Variants in DISP3 observed in about 807,000 individuals in gnomAD.
DISP3 encodes dispatched RND transporter family member 3.
In DISP3, 101 loss-of-function variants were observed where a neutral mutation model predicts 135.3. That is an observed-to-expected ratio of 0.75 (90% CI 0.64 to 0.88). The LOEUF is 0.88. Among genes scored for constraint, DISP3 ranks in the 40% least tolerant of loss-of-function variants. The pLI is 0.00. For synonymous variants in DISP3, 856 were observed against 817.0 expected (o/e 1.05, Z -0.81); for missense variants, 1,713 against 1,878.6 (o/e 0.91, Z 1.63).
chr1:11,529,915 G>A lies in DISP3; in HGVS notation c.3058G>A (p.Val1020Ile), dbSNP rs770679216. 21 of 1,613,788 alleles carry A rather than the reference G, an allele frequency of 1.3e-5. No individual in the cohort carries two copies. Among genetic ancestry groups the A allele is most frequent in the South Asian group, 7.7e-5 (7 of 91,092 alleles). ...CTTTGTGGTCTTCGGCATTATTGGC[G>A]TCAACCGCACTCGGCAGGTGGACAA... ...MVFVVFGIIG[V>I]NRTRQVDNHV... Residue 1020 changes from valine (V) to isoleucine (I), a missense_variant, in exon 15 of 21, where the codon GTC (valine) becomes ATC (isoleucine). Transcript: ENST00000294484. This position sits in a 1 kb window ranked among gnomAD's most constrained non-coding sequence, Gnocchi z 4.7.
chr1:11,501,497 T>G lies in DISP3; in HGVS notation c.505T>G (p.Ser169Ala). 1 of 1,606,498 alleles carries G rather than the reference T, an allele frequency of 6.2e-7. No homozygotes were observed. The highest frequency in any genetic ancestry group is 1.1e-5 in the South Asian group (1 of 90,406). Reference protein sequence around the residue: ...LHLGNRSRQASRAPRVIPAAS... With the variant: ...LHLGNRSRQAARAPRVIPAAS... ...TCTCGGCAACCGCTCGCGGCAAGCC[T>G]CCCGAGCCCCCCGCGTCATCCCCGC... Residue 169 changes from serine to alanine, a missense_variant, in exon 2 of 21, where the codon TCC becomes GCC. By Grantham distance (99) the Ser-to-Ala change is moderately conservative. Coordinates refer to ENST00000294484, the MANE Select transcript of DISP3 (RefSeq NM_020780.2). The surrounding 1 kb of genome is among the most constrained non-coding windows in gnomAD (Gnocchi z 4.9).
chr1:11,489,202 C>T (rs1641117024), intron 1 of DISP3, among the ~76,000 whole-genome samples: 1 of 152,234 alleles, frequency 6.6e-6, no homozygotes, highest in Non-Finnish European at 1.5e-5. Context: ...AGAGCTCCAT[C>T]CCGAGTGCCT....
At chr1:11,481,424 C>G (rs1482018967) in intron 1 of DISP3, 1 of 152,236 alleles carries the variant, frequency 6.6e-6, no homozygotes, top group Non-Finnish European at 1.5e-5. Flanking sequence ...TGGAACCCCC[C>G]TCGAGATCTG....
chr1:11,515,337 C>T, intron 4 of DISP3, 32 bp from the exon 5 acceptor site: 1 of 1,613,524 alleles, frequency 6.2e-7, no homozygotes, highest in African/African-American at 1.3e-5. Flanking sequence ...AGGGTCCCCC[C>T]ACCGTCTCCC....
intron 15 of DISP3, 151 bp downstream of exon 15, chr1:11,530,110 TG>T: frequency 1.8e-6 from 2 of 1,089,800 alleles, no homozygotes; most frequent in East Asian, 5.2e-5. Flanking sequence ...TATGGGCCCC[TG>T]GGGGTCCGGT....
intron 13 of DISP3, 24 bp downstream of exon 13, chr1:11,526,859 C>A: frequency 6.3e-7 from 1 of 1,587,286 alleles, no homozygotes; most frequent in Non-Finnish European, 8.6e-7. Flanking sequence ...GCAGACAAGC[C>A]GGTGCCCATC....
intron 18 of DISP3, chr1:11,534,745 T>C: frequency 1.3e-6 from 1 of 798,592 alleles, no homozygotes; most frequent in Non-Finnish European, 2.0e-6. Context: ...TTCTCTGATC[T>C]GGACTTTGGC....
At position 11,502,778 on chromosome 1, in the gene DISP3, C is replaced by A. The variant is rs1641586689; in HGVS notation, c.1197C>A (p.Ile399=). 4 of 1,614,098 alleles carry A rather than the reference C, an allele frequency of 2.5e-6. No homozygotes were observed. In the East Asian group the frequency reaches 6.7e-5, roughly 27 times the overall value. Reference sequence around the variant, plus strand: ...AGAGCTCCCTCCTGCGCAGTGAGATCCTGTTTGGAGCACCCCTGCCCAACT... The same window carrying A: ...AGAGCTCCCTCCTGCGCAGTGAGATACTGTTTGGAGCACCCCTGCCCAACT... The part of the protein sequence containing the change: ...NLKSSLLRSE[I]LFGAPLPNYY... Residue 399 remains isoleucine, a synonymous_variant, in exon 3 of 21, where the codon ATC becomes ATA. Transcript: ENST00000294484.
chr1:11,522,651 G>GCCAGGA (rs1642248805), intron 10 of DISP3, among the ~76,000 whole-genome samples: 1 of 23,590 alleles, frequency 4.2e-5, no homozygotes, highest in Non-Finnish European at 9.1e-5. Flanking sequence ...CCCAGCCAGG[G>GCCAGGA]CCCAGCCAGA....
At position 11,527,291 on chromosome 1, in the gene DISP3, G is replaced by A. The variant is rs566841991; in HGVS notation, c.2798+456G>A. Among the ~76,000 whole-genome samples the A allele has an allele frequency of 5.9e-5, 9 of 152,190 alleles. No homozygotes were observed. The South Asian group carries it at 1.9e-3, about 32-fold the overall frequency. On this transcript the variant is annotated intron_variant, in intron 13 of 20. Transcript: ENST00000294484. ...CTGCTGGCCAGGTGCGGTGGCTCAT[G>A]CCTGTAATCCCACCTCGGGAGGCCG... is the stretch of plus-strand genomic sequence containing the variant.
intron 10 of DISP3, among the ~76,000 whole-genome samples, chr1:11,522,338 C>T (rs992986851): frequency 2.6e-5 from 4 of 152,110 alleles, no homozygotes; most frequent in African/African-American, 4.8e-5. Flanking sequence ...CAGCCAAATG[C>T]GTGATAATCC....
intron 2 of DISP3, 51 bp from the exon 3 acceptor site, chr1:11,502,627 G>A: frequency 6.9e-7 from 1 of 1,447,590 alleles, no homozygotes; most frequent in Non-Finnish European, 9.6e-7. Flanking sequence ...AGGGAGGGTT[G>A]GTGGGAGCTG....
rs370806355 is a variant in DISP3 at position 11,535,461 on chromosome 1, CT to C, written c.3650-16del. The stretch of plus-strand genomic sequence containing the variant: ...GGGCGGGGGATCCGAGCTGCCCCCC[CT>C]GCTGTCTCCTTGCAGGCATCGTGTG... On this transcript the variant is annotated splice_polypyrimidine_tract_variant and intron_variant, in intron 19 of 20. Transcript: ENST00000294484. The C allele has an allele frequency of 6.8e-5, 108 of 1,594,054 alleles. No homozygotes were observed. Among genetic ancestry groups the C allele is most frequent in the African/African-American group, 5.7e-4 (43 of 74,794 alleles).
In DISP3 at chr1:11,522,706, ACCCAGCCAGGGCCCAGCCAGGG is replaced by A. The variant is rs1557615287; in HGVS notation, c.2363-1214_2363-1193del. ...AGAGCCCAGCCAGGGCCCAGCCAGGACCCAGCCAGGGCCCAGCCAGGGCCCAGCCAGGGCCCAGCCAGGACCC... is the reference window on the plus strand; with the variant it reads ...AGAGCCCAGCCAGGGCCCAGCCAGGACCCAGCCAGGGCCCAGCCAGGACCC... On this transcript the variant is annotated intron_variant, in intron 10 of 20. Transcript: ENST00000294484. Among the ~76,000 whole-genome samples, 8 of 24,256 alleles carry A rather than the reference ACCCAGCCAGGGCCCAGCCAGGG, an allele frequency of 3.3e-4. No homozygotes were observed. The East Asian group carries it at 3.6e-3, about 11-fold the overall frequency. The allele number at this position is 24,256 out of a possible 152,430, so 15.9% of individuals were successfully genotyped here.
intron 3 of DISP3, among the ~76,000 whole-genome samples, chr1:11,509,294 G>A (rs1443118472): frequency 6.6e-6 from 1 of 151,590 alleles, no homozygotes; most frequent in Non-Finnish European, 1.5e-5. Context: ...TAAATTTATT[G>A]AGTCTTGTTT....
intron 10 of DISP3, among the ~76,000 whole-genome samples, chr1:11,521,436 G>T (rs1273494002): frequency 7.9e-6 from 1 of 125,942 alleles, no homozygotes; most frequent in African/African-American, 3.1e-5. Flanking sequence ...TAGCCAGGCT[G>T]GGAGGGGAGA....
chr1:11,514,108 G>A (rs1283898012), intron 3 of DISP3, among the ~76,000 whole-genome samples: 1 of 152,208 alleles, frequency 6.6e-6, no homozygotes, highest in Non-Finnish European at 1.5e-5. Flanking sequence ...CACAATCTGC[G>A]TAGAGCAGTG....
intron 1 of DISP3, among the ~76,000 whole-genome samples, chr1:11,480,834 C>T (rs74055703): frequency 5.4e-4 from 82 of 152,030 alleles, no homozygotes; most frequent in Middle Eastern, 3.4e-3. Flanking sequence ...GGCTGTGGCT[C>T]GGTGGAAGCT....
chr1:11,491,277 G>A lies in DISP3; in HGVS notation c.-3-9713G>A, dbSNP rs183201649. The stretch of plus-strand genomic sequence containing the variant: ...GGTTTTCCAAGAATGCTTCTGGACC[G>A]CCTGTATCAGAATCACCTGGGGAGG... On this transcript the variant is annotated intron_variant, in intron 1 of 20. Coordinates refer to ENST00000294484, the MANE Select transcript of DISP3 (RefSeq NM_020780.2). The surrounding 1 kb of genome is among the most constrained non-coding windows in gnomAD (Gnocchi z 4.3). Among the ~76,000 whole-genome samples the A allele has an allele frequency of 6.6e-6, 1 of 152,288 alleles. No individual in the cohort carries two copies. The highest frequency in any genetic ancestry group is 2.4e-5 in the African/African-American group (1 of 41,554).
Sources: gnomAD v4.1 joint callset for allele counts (sites outside exome capture counted in the v4.1 genomes callset) on GRCh38, gnomAD v4.1.1 for gene constraint, Gnocchi (gnomAD v3.1) non-coding constraint, MANE v1.5 for transcripts, NCBI Gene and HGNC (gene_info 2026-07-23, HGNC 2026-07-21) for gene names.